The following KCNAB1 variants were observed in gnomAD, a reference collection of about 807,000 sequenced individuals.
KCNAB1 encodes potassium voltage-gated channel subfamily A regulatory beta subunit 1, also known as voltage-gated potassium channel subunit beta-1.
A neutral mutation model predicts 64.6 loss-of-function variants in KCNAB1; 35 were observed. That is an observed-to-expected ratio of 0.54 (90% CI 0.41 to 0.72). KCNAB1 has a LOEUF of 0.72. Among genes scored for constraint, KCNAB1 ranks in the 30% least tolerant of loss-of-function variants. The pLI is 0.00. For missense variants in KCNAB1, 401 were observed against 512.9 expected (o/e 0.78, Z 2.11); for synonymous variants, 177 against 183.8 (o/e 0.96, Z 0.30).
chr3:156,339,083 C>A (rs1358269908), intron 1 of KCNAB1, among the ~76,000 whole-genome samples: 1 of 152,138 alleles, frequency 6.6e-6, no homozygotes, highest in Non-Finnish European at 1.5e-5. Flanking sequence ...AAGGCAGGAA[C>A]TTGGCCTGCG....
intron 1 of KCNAB1, among the ~76,000 whole-genome samples, chr3:156,414,152 A>C (rs1714889299): frequency 6.6e-6 from 1 of 152,202 alleles, no homozygotes; most frequent in Non-Finnish European, 1.5e-5. Context: ...ATGGAATAAG[A>C]AAGATATAAG....
At chr3:156,220,809 G>A (rs1165386703) in intron 1 of KCNAB1, among the ~76,000 whole-genome samples, 1 of 152,216 alleles carries the variant, frequency 6.6e-6, no homozygotes, top group Non-Finnish European at 1.5e-5. Context: ...TGTCCTGAAT[G>A]GTATTGCCTA....
At chr3:156,193,559 G>T (rs1005333839) in intron 1 of KCNAB1, among the ~76,000 whole-genome samples, 1 of 152,112 alleles carries the variant, frequency 6.6e-6, no homozygotes, top group East Asian at 1.9e-4. Flanking sequence ...CTACATGGTT[G>T]GGGAGGCCTC....
chr3:156,378,929 G>A (rs1165745230), intron 1 of KCNAB1, among the ~76,000 whole-genome samples: 2 of 152,182 alleles, frequency 1.3e-5, no homozygotes, highest in Non-Finnish European at 1.5e-5. Context: ...CCTCAAGCTG[G>A]CATGGGAACC....
intron 5 of KCNAB1, among the ~76,000 whole-genome samples, chr3:156,462,518 T>C (rs1280241793): frequency 6.6e-6 from 1 of 152,216 alleles, no homozygotes; most frequent in East Asian, 1.9e-4. Context: ...CAGGTACATG[T>C]ATTTATCGAC....
rs371573252 is a variant in KCNAB1 at position 156,419,369 on chromosome 3, G to A, written c.276-2247G>A. Among the ~76,000 whole-genome samples the A allele has an allele frequency of 6.0e-4, 91 of 151,884 alleles. 1 individual carries two copies. In the South Asian group the frequency reaches 0.019, roughly 31 times the overall value. On this transcript the variant is annotated intron_variant, in intron 1 of 13. Coordinates refer to ENST00000490337, the MANE Select transcript of KCNAB1 (RefSeq NM_172160.3). ...AAAAAAAATTAGCCAGGCGTGGTGGGGGGTGCCTGTAGTCCCAGCTACTCG... is the reference window on the plus strand; with the variant it reads ...AAAAAAAATTAGCCAGGCGTGGTGGAGGGTGCCTGTAGTCCCAGCTACTCG...
chr3:156,142,250 A>C (rs1306339957), intron 1 of KCNAB1, among the ~76,000 whole-genome samples: 1 of 152,162 alleles, frequency 6.6e-6, no homozygotes, highest in Non-Finnish European at 1.5e-5. Flanking sequence ...AGAAGTTGTT[A>C]ATGTTGATGA....
At chr3:156,493,758 G>A (rs1049578435) in intron 8 of KCNAB1, among the ~76,000 whole-genome samples, 6 of 151,968 alleles carry the variant, frequency 3.9e-5, no homozygotes, top group Non-Finnish European at 7.4e-5. Context: ...CAAGACTATC[G>A]ACTACTTTGT....
At chr3:156,342,148 G>T (rs527536053) in intron 1 of KCNAB1, among the ~76,000 whole-genome samples, 1 of 152,120 alleles carries the variant, frequency 6.6e-6, no homozygotes, top group Admixed American at 6.6e-5. Context: ...CAGATGAATG[G>T]CAAAGAAAGC....
At chr3:156,473,183 A>G (rs947558484) in intron 7 of KCNAB1, among the ~76,000 whole-genome samples, 2 of 152,116 alleles carry the variant, frequency 1.3e-5, no homozygotes, top group Admixed American at 6.6e-5. Context: ...ATAATTTCAC[A>G]TTCTGGTTCT....
intron 1 of KCNAB1, among the ~76,000 whole-genome samples, chr3:156,129,176 C>T (rs1172135455): frequency 6.6e-6 from 1 of 151,938 alleles, no homozygotes; most frequent in African/African-American, 2.4e-5. Flanking sequence ...CTTCTTTTCC[C>T]ATTAAGGGGA....
chr3:156,474,792 T>C lies in KCNAB1; in HGVS notation c.630T>C (p.Asn210=). The C allele has an allele frequency of 6.2e-7, 1 of 1,613,248 alleles. No individual in the cohort carries two copies. Among genetic ancestry groups the C allele is most frequent in the Non-Finnish European group, 8.5e-7 (1 of 1,179,408 alleles). ...AGTATGTGGATGTGGTCTTTGCAAA[T>C]CGACCGGACAGTAACACTCCCATGG... ...QLEYVDVVFA[N]RPDSNTPMEE... Residue 210 remains asparagine (N), a synonymous_variant, in exon 8 of 14, where the codon AAT becomes AAC. Coordinates refer to ENST00000490337, the MANE Select transcript of KCNAB1 (RefSeq NM_172160.3).
intron 1 of KCNAB1, among the ~76,000 whole-genome samples, chr3:156,263,985 T>G (rs1718562341): frequency 6.6e-6 from 1 of 152,158 alleles, no homozygotes; most frequent in Admixed American, 6.5e-5. Flanking sequence ...GGTTGTTCTA[T>G]CAGTTACTGA....
chr3:156,143,582 T>TGG (rs1216161921), intron 1 of KCNAB1, among the ~76,000 whole-genome samples: 619 of 32,944 alleles, frequency 0.019, 26 homozygotes, highest in East Asian at 0.15. Context: ...TTTTTTTTTT[T>TGG]TTTTTTTTTT....
At chr3:156,500,259 C>A (rs999614811) in intron 8 of KCNAB1, among the ~76,000 whole-genome samples, 2 of 152,154 alleles carry the variant, frequency 1.3e-5, no homozygotes, top group African/African-American at 4.8e-5. Context: ...ACAAGGGAAA[C>A]CAGCCTGGGG....
chr3:156,270,831 C>CA (rs888391286), intron 1 of KCNAB1, among the ~76,000 whole-genome samples: 19 of 148,126 alleles, frequency 1.3e-4, no homozygotes, highest in South Asian at 4.3e-4. Flanking sequence ...TTCATTCAGA[C>CA]AAAAAAAAAA....
intron 2 of KCNAB1, among the ~76,000 whole-genome samples, chr3:156,447,429 C>T (rs1365885399): frequency 1.3e-5 from 2 of 152,062 alleles, no homozygotes; most frequent in East Asian, 3.8e-4. Flanking sequence ...ACACCTGGCA[C>T]ACGGTAGACT....
At chr3:156,229,614 C>T (rs1012834802) in intron 1 of KCNAB1, among the ~76,000 whole-genome samples, 3 of 152,142 alleles carry the variant, frequency 2.0e-5, no homozygotes, top group African/African-American at 7.2e-5. Flanking sequence ...GAGTCATTTC[C>T]TAAGCTGGTA....
chr3:156,434,109 A>G (rs1716421459), intron 2 of KCNAB1, among the ~76,000 whole-genome samples: 2 of 152,186 alleles, frequency 1.3e-5, no homozygotes, highest in African/African-American at 4.8e-5. Flanking sequence ...GAGAAAAATG[A>G]TAACAGATGA....
Sources: gnomAD v4.1 joint callset for allele counts (sites outside exome capture counted in the v4.1 genomes callset) on GRCh38, gnomAD v4.1.1 for gene constraint, MANE v1.5 for transcripts, NCBI Gene and HGNC (gene_info 2026-07-23, HGNC 2026-07-21) for gene names.